The following PCDHGA1 variants were observed in gnomAD, a reference collection of about 807,000 sequenced individuals.
The protein encoded by PCDHGA1 is protocadherin gamma-A1.
Under a neutral mutation model 58.0 loss-of-function variants are expected in PCDHGA1, and 32 were observed. The ratio of observed to expected loss-of-function variants is 0.55; its 90% confidence interval spans 0.42 to 0.74. The LOEUF (loss-of-function observed/expected upper bound fraction) is 0.74. Among genes scored for constraint, PCDHGA1 ranks in the 30% least tolerant of loss-of-function variants. The pLI is 0.00. For missense variants in PCDHGA1, 1,205 were observed against 1,182.3 expected (o/e 1.02, Z -0.28); for synonymous variants, 498 against 501.1 (o/e 0.99, Z 0.08).
chr5:141,376,241 C>T (rs755837851), intron 1 of PCDHGA1: 1 of 1,614,118 alleles, frequency 6.2e-7, no homozygotes, highest in East Asian at 2.2e-5. Flanking sequence ...GCAGCGCTGG[C>T]ACAAGTCACG....
chr5:141,421,246 C>T (rs1047768415), intron 1 of PCDHGA1: 16 of 1,603,622 alleles, frequency 1.0e-5, no homozygotes, highest in Admixed American at 1.7e-5. Flanking sequence ...TCGGCTACAG[C>T]GCGGGGACCG....
intron 1 of PCDHGA1, chr5:141,423,694 T>C (rs1008861889): frequency 1.3e-6 from 2 of 1,501,552 alleles, no homozygotes; most frequent in Middle Eastern, 1.8e-4. Flanking sequence ...TAATTGTTGG[T>C]GTCTTGGCAC....
chr5:141,341,420 G>C (rs1351098792), intron 1 of PCDHGA1: 1 of 1,612,888 alleles, frequency 6.2e-7, no homozygotes, highest in Non-Finnish European at 8.5e-7. Context: ...CACAACATAC[G>C]TACTAGCTAG....
chr5:141,372,132 C>A, intron 1 of PCDHGA1: 1 of 1,613,718 alleles, frequency 6.2e-7, no homozygotes, highest in Non-Finnish European at 8.5e-7. Flanking sequence ...TATGGTGCCG[C>A]GCTCTGCAGA....
intron 1 of PCDHGA1, chr5:141,357,774 G>T: frequency 1.1e-6 from 1 of 919,942 alleles, no homozygotes; most frequent in Non-Finnish European, 1.6e-6. Flanking sequence ...TTCCAATAAT[G>T]ATCAACAGTA....
chr5:141,432,237 A>T lies in PCDHGA1; in HGVS notation c.2422-62570A>T. ...GCCCAGATCACTTATTCCCTGGCTG[A>T]GAACACCATCCAAGGGGCAAGCCTA... On this transcript the variant is annotated intron_variant, in intron 1 of 3. Transcript: ENST00000517417. The surrounding 1 kb of genome is among the most constrained non-coding windows in gnomAD (Gnocchi z 6.0). The T allele has an allele frequency of 2.5e-6, 4 of 1,614,224 alleles. No individual in the cohort carries two copies. Among genetic ancestry groups the T allele is most frequent in the Non-Finnish European group, 3.4e-6 (4 of 1,180,032 alleles).
At position 141,371,437 on chromosome 5, in the gene PCDHGA1, C is replaced by A. The variant is rs1330238991; in HGVS notation, c.2421+38332C>A. 4 of 1,613,962 alleles carry A rather than the reference C, an allele frequency of 2.5e-6. 1 individual carries two copies. The highest frequency in any genetic ancestry group is 1.1e-5 in the South Asian group (1 of 91,078). On this transcript the variant is annotated intron_variant, in intron 1 of 3. Coordinates refer to ENST00000517417, the MANE Select transcript of PCDHGA1 (RefSeq NM_018912.3). ...GAAAATGACAATGCCCCGGAGATAACCCTGGCTTCTGAATCCCAACATATA... is the reference window on the plus strand; with the variant it reads ...GAAAATGACAATGCCCCGGAGATAAACCTGGCTTCTGAATCCCAACATATA...
At position 141,360,421 on chromosome 5, in the gene PCDHGA1, T is replaced by C. The variant is rs372376910; in HGVS notation, c.2421+27316T>C. ...TGACAGAATAGACCGAGAACAGATA[T>C]GCGGGAAGCAGCCTCTGTGTGTTCT... On this transcript the variant is annotated intron_variant, in intron 1 of 3. Transcript: ENST00000517417. 8.1e-5 allele frequency: 131 copies of C among 1,613,968 alleles called. No homozygotes were observed. In the African/African-American group the frequency reaches 1.1e-3, roughly 14 times the overall value.
intron 1 of PCDHGA1, chr5:141,375,053 G>T: frequency 1.2e-6 from 2 of 1,614,046 alleles, no homozygotes; most frequent in South Asian, 2.2e-5. Context: ...AGCCCGGGAT[G>T]GGCCAGGTCT....
chr5:141,363,266 T>C (rs1308915609), intron 1 of PCDHGA1, among the ~76,000 whole-genome samples: 5 of 152,268 alleles, frequency 3.3e-5, no homozygotes, highest in African/African-American at 1.2e-4. Context: ...CTTAAAACTT[T>C]GCTTTTGAAT....
At chr5:141,351,132 A>G (rs1415621297) in intron 1 of PCDHGA1, 2 of 1,614,032 alleles carry the variant, frequency 1.2e-6, no homozygotes, top group South Asian at 1.1e-5. Flanking sequence ...TTCAATCTCA[A>G]TCCAAATACT....
chr5:141,371,882 G>A, intron 1 of PCDHGA1: 2 of 1,613,432 alleles, frequency 1.2e-6, no homozygotes, highest in South Asian at 1.1e-5. Context: ...CCAGTGACCT[G>A]GAGCCGCGGG....
At chr5:141,488,183 T>C (rs1249953031) in intron 1 of PCDHGA1, among the ~76,000 whole-genome samples, 1 of 152,148 alleles carries the variant, frequency 6.6e-6, no homozygotes, top group Non-Finnish European at 1.5e-5. Flanking sequence ...CATAGATCTT[T>C]TGGTCTGGGT....
chr5:141,405,390 T>C (rs1561700240), intron 1 of PCDHGA1: 1 of 1,600,118 alleles, frequency 6.2e-7, no homozygotes, highest in South Asian at 1.1e-5. Context: ...AGTTCATTTT[T>C]TTTCTTTCTT....
rs976135607 is a variant in PCDHGA1 at position 141,489,115 on chromosome 5, C to A, written c.2422-5692C>A. ...CTAAGAACTGCTGCAAGCAGGCAAA[C>A]CTCCGAGCAGTTTTTAAGAGGCTGG... On this transcript the variant is annotated intron_variant, in intron 1 of 3. Coordinates refer to ENST00000517417, the MANE Select transcript of PCDHGA1 (RefSeq NM_018912.3). This position sits in a 1 kb window ranked among gnomAD's most constrained non-coding sequence, Gnocchi z 4.5. 7.3e-5 allele frequency: 37 copies of A among 506,794 alleles called. No homozygotes were observed. Among genetic ancestry groups the A allele is most frequent in the Non-Finnish European group, 1.2e-4 (35 of 298,604 alleles). 31.4% of individuals were successfully genotyped at this position (506,794 alleles called of 1,614,324 possible).
intron 1 of PCDHGA1, chr5:141,370,553 C>G: frequency 6.2e-7 from 1 of 1,613,810 alleles, no homozygotes; most frequent in Non-Finnish European, 8.5e-7. Context: ...TCGCCAAGGA[C>G]CTGGGGTTTG....
chr5:141,344,994 G>T, intron 1 of PCDHGA1: 1 of 1,613,936 alleles, frequency 6.2e-7, no homozygotes, highest in Non-Finnish European at 8.5e-7. Flanking sequence ...TAAAATTGAA[G>T]CACAGGATGG....
chr5:141,345,800 C>T (rs1244081974), intron 1 of PCDHGA1: 1 of 1,613,998 alleles, frequency 6.2e-7, no homozygotes, highest in Non-Finnish European at 8.5e-7. Flanking sequence ...ACCTGGTGAC[C>T]AAGGTGGTGG....
In PCDHGA1 at chr5:141,477,143, G is replaced by T; in HGVS notation, c.2422-17664G>T. On this transcript the variant is annotated intron_variant, in intron 1 of 3. Transcript: ENST00000517417. The surrounding 1 kb of genome is among the most constrained non-coding windows in gnomAD (Gnocchi z 4.9). The stretch of plus-strand genomic sequence containing the variant: ...ACATTGCAAAGTGTTGGTGGAGGTT[G>T]TGGATGTGAATGACAACGCCCCGGA... The T allele has an allele frequency of 6.2e-7, 1 of 1,614,198 alleles. No homozygotes were observed. The highest frequency in any genetic ancestry group is 8.5e-7 in the Non-Finnish European group (1 of 1,180,036).
Sources: allele counts gnomAD v4.1 joint callset (sites outside exome capture counted in the v4.1 genomes callset), GRCh38; gene constraint gnomAD v4.1.1; non-coding constraint Gnocchi (gnomAD v3.1); transcripts MANE v1.5; gene names NCBI Gene and HGNC (gene_info 2026-07-23, HGNC 2026-07-21).